CNTNAP2: variants seen among roughly 807,000 people sequenced by gnomAD.
CNTNAP2 encodes the protein contactin associated protein 2.
In CNTNAP2, 98 loss-of-function variants were observed where a neutral mutation model predicts 155.2. The observed-to-expected ratio is 0.63, with a 90% CI of 0.54 to 0.75. The LOEUF is 0.75. Ranked by LOEUF, CNTNAP2 falls within the 30% of genes least tolerant of loss-of-function variation. The pLI, the probability that CNTNAP2 is intolerant of heterozygous loss-of-function variation, is 0.00. For missense variants in CNTNAP2, 1,727 were observed against 1,688.1 expected (o/e 1.02, Z -0.40); for synonymous variants, 651 against 631.2 (o/e 1.03, Z -0.47).
intron 1 of CNTNAP2, among the ~76,000 whole-genome samples, chr7:146,701,598 T>C (rs1188598954): frequency 6.6e-6 from 1 of 152,180 alleles, no homozygotes; most frequent in Non-Finnish European, 1.5e-5. Context: ...TCATCAATAA[T>C]TTCAATCCTA....
At chr7:147,050,521 T>G (rs573911557) in intron 4 of CNTNAP2, among the ~76,000 whole-genome samples, 1 of 152,218 alleles carries the variant, frequency 6.6e-6, no homozygotes, top group Non-Finnish European at 1.5e-5. Context: ...TCTTGCTGCC[T>G]GAGAAAAAAA....
chr7:148,130,957 G>A (rs541930611), intron 16 of CNTNAP2, among the ~76,000 whole-genome samples: 6 of 151,170 alleles, frequency 4.0e-5, no homozygotes, highest in African/African-American at 1.5e-4. Context: ...TCTTCACATA[G>A]CATTTGTCTG....
chr7:146,742,438 G>T (rs895117050), intron 1 of CNTNAP2, among the ~76,000 whole-genome samples: 7 of 152,054 alleles, frequency 4.6e-5, no homozygotes, highest in South Asian at 4.1e-4. Flanking sequence ...AAATGGTAAG[G>T]GTAAAAAATA....
At chr7:147,303,780 T>A (rs985382978) in intron 9 of CNTNAP2, among the ~76,000 whole-genome samples, 4 of 152,214 alleles carry the variant, frequency 2.6e-5, no homozygotes, top group Admixed American at 2.0e-4. Context: ...AAATGCTAAA[T>A]GCTGACTGAC....
At chr7:147,132,670 A>G (rs1477399222) in intron 8 of CNTNAP2, among the ~76,000 whole-genome samples, 161 bp downstream of exon 8, 4 of 152,156 alleles carry the variant, frequency 2.6e-5, no homozygotes, top group Non-Finnish European at 5.9e-5. Context: ...GATTGAATAA[A>G]GAAAACTTGG....
chr7:148,258,202 G>A (rs971246231), intron 20 of CNTNAP2, among the ~76,000 whole-genome samples: 10 of 152,184 alleles, frequency 6.6e-5, no homozygotes, highest in South Asian at 2.1e-4. Context: ...TTTAACAAGC[G>A]TGTGTTATGC....
chr7:147,597,381 T>C (rs1016946749), intron 12 of CNTNAP2, among the ~76,000 whole-genome samples: 1 of 152,202 alleles, frequency 6.6e-6, no homozygotes, highest in African/African-American at 2.4e-5. Context: ...AGTTCAAATA[T>C]CAATTGTTTT....
At chr7:146,257,852 C>A (rs900469686) in intron 1 of CNTNAP2, among the ~76,000 whole-genome samples, 1 of 151,794 alleles carries the variant, frequency 6.6e-6, no homozygotes, top group Non-Finnish European at 1.5e-5. Context: ...CTATCTGTAC[C>A]TTTTTGTGCA....
chr7:146,522,938 G>A (rs1797635529), intron 1 of CNTNAP2, among the ~76,000 whole-genome samples: 1 of 151,628 alleles, frequency 6.6e-6, no homozygotes, highest in Admixed American at 6.6e-5. Context: ...GGCATCTCAA[G>A]GAAGAAATCA....
intron 13 of CNTNAP2, among the ~76,000 whole-genome samples, chr7:147,732,973 A>G (rs1796770196): frequency 6.6e-6 from 1 of 152,042 alleles, no homozygotes; most frequent in Non-Finnish European, 1.5e-5. Flanking sequence ...ATTTTCTCCC[A>G]TTGTGTAGGT....
At chr7:148,415,291 TTGTTTTGGAGGTTG>T in intron 23 of CNTNAP2, 112 bp from the exon 24 acceptor site, 1 of 955,008 alleles carries the variant, frequency 1.0e-6, no homozygotes. Flanking sequence ...GTTATCTTTG[TTGTTTTGGAGGTTG>T]TGTTTTATAT....
intron 10 of CNTNAP2, among the ~76,000 whole-genome samples, chr7:147,446,333 GA>G (rs889793170): frequency 6.6e-6 from 1 of 151,978 alleles, no homozygotes; most frequent in African/African-American, 2.4e-5. Context: ...TCCTGCAAAT[GA>G]AATGAATCGA....
intron 8 of CNTNAP2, among the ~76,000 whole-genome samples, chr7:147,221,611 G>A (rs1415668389): frequency 5.9e-5 from 9 of 152,248 alleles, no homozygotes; most frequent in Middle Eastern, 3.4e-3. Flanking sequence ...TCAAGGCAGG[G>A]TGCTAAAGAA....
At chr7:146,914,626 G>C (rs1269450952) in intron 3 of CNTNAP2, among the ~76,000 whole-genome samples, 2 of 151,880 alleles carry the variant, frequency 1.3e-5, no homozygotes, top group Non-Finnish European at 2.9e-5. Flanking sequence ...CATGTCCTTA[G>C]CTCACTTTTT....
chr7:147,765,389 A>G (rs1424157406), intron 13 of CNTNAP2, among the ~76,000 whole-genome samples: 1 of 152,188 alleles, frequency 6.6e-6, no homozygotes, highest in Non-Finnish European at 1.5e-5. Context: ...TCAATTAATC[A>G]TTGGGCAAGA....
Position 148,383,767 on chromosome 7 carries a change from C to T in CNTNAP2, c.3594C>T (p.Asn1198=), listed in dbSNP as rs755187817. Residue 1198 remains asparagine, a synonymous_variant, in exon 22 of 24, where the codon AAC becomes AAT. Coordinates refer to ENST00000361727, the MANE Select transcript of CNTNAP2 (RefSeq NM_014141.6). ...TCAAGGCCGCCTTGAGGCAGACAAACGCCTCGGCTCACGTCCACATCCAGG... is the reference window on the plus strand; with the variant it reads ...TCAAGGCCGCCTTGAGGCAGACAAATGCCTCGGCTCACGTCCACATCCAGG... ...APLKAALRQT[N]ASAHVHIQGE... The T allele has an allele frequency of 6.2e-6, 10 of 1,614,082 alleles. No individual in the cohort carries two copies. The highest frequency in any genetic ancestry group is 2.7e-5 in the African/African-American group (2 of 74,920).
intron 1 of CNTNAP2, among the ~76,000 whole-genome samples, chr7:146,481,164 G>A (rs546057096): frequency 2.0e-5 from 3 of 152,000 alleles, no homozygotes; most frequent in South Asian, 2.1e-4. Flanking sequence ...AACGTAAATT[G>A]GTATATTGTA....
intron 13 of CNTNAP2, among the ~76,000 whole-genome samples, chr7:147,690,061 A>C (rs946704509): frequency 6.6e-6 from 1 of 151,820 alleles, no homozygotes; most frequent in Admixed American, 6.6e-5. Flanking sequence ...TTTCTTCCTC[A>C]TTGTCTACAG....
Position 146,755,114 on chromosome 7 carries a change from T to C in CNTNAP2, c.98-19157T>C, listed in dbSNP as rs189179427. ...TTGATTTTAGAATTTGTAGGGTATA[T>C]ACTAGTTGAGGATGTAATTGGAATT... is the stretch of plus-strand genomic sequence containing the variant. On this transcript the variant is annotated intron_variant, in intron 1 of 23. Transcript: ENST00000361727. Among the ~76,000 whole-genome samples, 94 of 152,076 alleles carry C rather than the reference T, an allele frequency of 6.2e-4. 1 individual carries two copies. Among genetic ancestry groups the C allele is most frequent in the Non-Finnish European group, 1.3e-4 (9 of 67,852 alleles).
Sources: allele counts gnomAD v4.1 joint callset (sites outside exome capture counted in the v4.1 genomes callset), GRCh38; gene constraint gnomAD v4.1.1; transcripts MANE v1.5; gene names NCBI Gene and HGNC (gene_info 2026-07-23, HGNC 2026-07-21).